PARVA: variants seen among roughly 807,000 people sequenced by gnomAD.
The protein encoded by PARVA is parvin alpha, also known as alpha-parvin.
PARVA carries 25 observed loss-of-function variants against 52.6 expected under a neutral mutation model. The observed-to-expected ratio is 0.48, with a 90% CI of 0.35 to 0.66. The LOEUF (loss-of-function observed/expected upper bound fraction) is 0.66, where lower values mean the gene tolerates loss of function less well. Ranked by LOEUF, PARVA falls within the 30% of genes least tolerant of loss-of-function variation. The probability of loss-of-function intolerance (pLI) is 0.01; values close to 1 mark genes in which losing one functional copy is unlikely to be tolerated. For synonymous variants in PARVA, 185 were observed against 179.1 expected (o/e 1.03, Z -0.26); for missense variants, 373 against 450.9 (o/e 0.83, Z 1.56).
rs529063811 is a variant in PARVA, at chr11:12,387,538, G to C, written c.136+9755G>C. On this transcript the variant is annotated intron_variant, in intron 1 of 12. Coordinates refer to ENST00000334956, the MANE Select transcript of PARVA (RefSeq NM_018222.5). ...TCTTCCAGTCCCCAGATTCTATCCA[G>C]GTCTCTATTTTTGAGCGTGTGTGTG... is the stretch of plus-strand genomic sequence containing the variant. Among the ~76,000 whole-genome samples the C allele has an allele frequency of 1.6e-3, 203 of 130,222 alleles. No individual in the cohort carries two copies. The Middle Eastern group carries it at 0.034, about 22-fold the overall frequency. The allele number at this position is 130,222 out of a possible 152,430, so 85.4% of individuals were successfully genotyped here. A position where few individuals can be genotyped will look rare whatever the true frequency, so the allele number is the denominator to read the frequency against.
intron 4 of PARVA, among the ~76,000 whole-genome samples, chr11:12,489,416 C>T (rs958386092): frequency 6.6e-6 from 1 of 151,918 alleles, no homozygotes; most frequent in Admixed American, 6.6e-5. Flanking sequence ...GAAGACAGCA[C>T]TAGAGAAATT....
intron 1 of PARVA, among the ~76,000 whole-genome samples, chr11:12,428,625 C>T (rs1454380090): frequency 6.6e-6 from 1 of 152,172 alleles, no homozygotes; most frequent in African/African-American, 2.4e-5. Context: ...CCATCATCTC[C>T]ATCATGATGA....
chr11:12,389,105 T>C (rs1565324307), intron 1 of PARVA, among the ~76,000 whole-genome samples: 1 of 152,036 alleles, frequency 6.6e-6, no homozygotes, highest in Admixed American at 6.5e-5. Flanking sequence ...AGGCTGAAAG[T>C]TTCTATTTGC....
intron 1 of PARVA, among the ~76,000 whole-genome samples, chr11:12,473,491 T>G (rs1940961008): frequency 1.3e-5 from 2 of 152,104 alleles, no homozygotes. Context: ...GGAGGGAGAT[T>G]TCTGTGCTTT....
chr11:12,515,634 C>A (rs1488491686), intron 10 of PARVA, among the ~76,000 whole-genome samples: 1 of 152,162 alleles, frequency 6.6e-6, no homozygotes, highest in East Asian at 1.9e-4. Flanking sequence ...AACCCAAGGT[C>A]ACCCCTGAGC....
At chr11:12,404,060 G>A (rs1374200305) in intron 1 of PARVA, among the ~76,000 whole-genome samples, 6 of 151,322 alleles carry the variant, frequency 4.0e-5, no homozygotes, top group Non-Finnish European at 7.4e-5. Flanking sequence ...TTATAAACTC[G>A]CACCCCAGGC....
At chr11:12,476,513 C>A (rs1216260617) in intron 3 of PARVA, among the ~76,000 whole-genome samples, 1 of 151,976 alleles carries the variant, frequency 6.6e-6, no homozygotes, top group Non-Finnish European at 1.5e-5. Context: ...AAAAAAAAGT[C>A]TCCTCAAACA....
chr11:12,484,609 GATA>G (rs1325714681), intron 4 of PARVA, among the ~76,000 whole-genome samples: 1 of 151,294 alleles, frequency 6.6e-6, no homozygotes, highest in East Asian at 1.9e-4. Context: ...TAATCAGTCA[GATA>G]ATAATATCCA....
chr11:12,453,952 A>T (rs1019206352), intron 1 of PARVA, among the ~76,000 whole-genome samples: 4 of 152,224 alleles, frequency 2.6e-5, no homozygotes, highest in Non-Finnish European at 5.9e-5. Context: ...TTGTGCTGTC[A>T]TCACAGATTA....
Position 12,529,678 on chromosome 11 carries a change from T to G in PARVA, c.*1753T>G, listed in dbSNP as rs1941747752. The G allele has an allele frequency of 6.6e-6, 1 of 152,216 alleles. No individual in the cohort carries two copies. Among genetic ancestry groups the G allele is most frequent in the African/African-American group, 2.4e-5 (1 of 41,466 alleles). The allele number at this position is 152,216 out of a possible 1,614,324, so 9.4% of individuals were successfully genotyped here. On this transcript the variant is annotated 3_prime_UTR_variant, in exon 13 of 13. Transcript: ENST00000334956. ...ATGTCCAAAACATTCCTTTCAGCCT[T>G]TTTATTTCTTACTGTACTGTCTCTT...
At chr11:12,429,618 G>C in intron 1 of PARVA, among the ~76,000 whole-genome samples, 1 of 152,236 alleles carries the variant, frequency 6.6e-6, no homozygotes, top group South Asian at 2.1e-4. Flanking sequence ...GATTTGATGC[G>C]TGGAATTTCA....
intron 1 of PARVA, among the ~76,000 whole-genome samples, chr11:12,457,068 G>A (rs1438335816): frequency 6.6e-6 from 1 of 152,178 alleles, no homozygotes; most frequent in Non-Finnish European, 1.5e-5. Context: ...ATTATGCCTA[G>A]AAGATGCAAC....
chr11:12,386,888 A>G (rs537826766), intron 1 of PARVA, among the ~76,000 whole-genome samples: 4 of 152,264 alleles, frequency 2.6e-5, no homozygotes, highest in Non-Finnish European at 4.4e-5. Context: ...TCTTTCCTCT[A>G]CTAATGAAGG....
chr11:12,409,978 T>A (rs773972480), intron 1 of PARVA, among the ~76,000 whole-genome samples: 39 of 152,304 alleles, frequency 2.6e-4, no homozygotes, highest in Middle Eastern at 3.4e-3. Flanking sequence ...CATCTTTGCT[T>A]TTGCAGAGTT....
intron 7 of PARVA, among the ~76,000 whole-genome samples, chr11:12,510,842 G>A (rs1402960050): frequency 2.6e-5 from 4 of 152,190 alleles, no homozygotes; most frequent in African/African-American, 4.8e-5. Context: ...TACAGTTCAA[G>A]TTGAGATTTG....
chr11:12,522,282 T>G (rs1168226556), intron 12 of PARVA, among the ~76,000 whole-genome samples: 1 of 152,142 alleles, frequency 6.6e-6, no homozygotes, highest in East Asian at 1.9e-4. Flanking sequence ...GGCAGGAACT[T>G]CTAGTTACTG....
intron 1 of PARVA, among the ~76,000 whole-genome samples, chr11:12,410,125 A>G (rs561190699): frequency 1.6e-4 from 25 of 152,336 alleles, no homozygotes; most frequent in African/African-American, 5.8e-4. Flanking sequence ...CCAGGAGGGC[A>G]GGAGAGACTA....
At chr11:12,444,669 C>G (rs1415810882) in intron 1 of PARVA, among the ~76,000 whole-genome samples, 1 of 152,112 alleles carries the variant, frequency 6.6e-6, no homozygotes, top group South Asian at 2.1e-4. Context: ...CTCAAGTGAT[C>G]CTCCCACCTC....
chr11:12,461,466 A>G (rs1416118913), intron 1 of PARVA, among the ~76,000 whole-genome samples: 1 of 152,190 alleles, frequency 6.6e-6, no homozygotes, highest in Non-Finnish European at 1.5e-5. Flanking sequence ...TCTCAATCTA[A>G]AAAGATAACA....
Sources: allele counts gnomAD v4.1 joint callset (sites outside exome capture counted in the v4.1 genomes callset), GRCh38; gene constraint gnomAD v4.1.1; transcripts MANE v1.5; gene names NCBI Gene and HGNC (gene_info 2026-07-23, HGNC 2026-07-21).